The following SEMA4D variants were observed in gnomAD, a reference collection of about 807,000 sequenced individuals.
SEMA4D encodes the protein semaphorin 4D, also known as semaphorin-4D.
Under a neutral mutation model 74.8 loss-of-function variants are expected in SEMA4D, and 22 were observed. The ratio of observed to expected loss-of-function variants is 0.29; its 90% CI spans 0.21 to 0.42. The LOEUF (loss-of-function observed/expected upper bound fraction) is 0.42, where lower values mean the gene tolerates loss of function less well. Among genes scored for constraint, SEMA4D ranks in the 10% least tolerant of loss-of-function variants. The pLI is 1.00. For missense variants in SEMA4D, 937 were observed against 1,118.4 expected (o/e 0.84, Z 2.31); for synonymous variants, 445 against 463.7 (o/e 0.96, Z 0.52).
Position 89,382,792 on chromosome 9 carries a change from C to T in SEMA4D, c.1447-1446G>A, listed in dbSNP as rs532059844. 5.3e-5 allele frequency among the ~76,000 whole-genome samples: 8 copies of T among 152,250 alleles called. No individual in the cohort carries two copies. The South Asian group carries it at 1.2e-3, about 24-fold the overall frequency. On this transcript the variant is annotated intron_variant, in intron 13 of 15. Transcript: ENST00000422704. ...CCCGCGGGGGGCACCTGCGAGGTGG[C>T]GTGAACACCATGCAGTGCAGAGCAG... is the stretch of plus-strand genomic sequence containing the variant.
intron 1 of SEMA4D, among the ~76,000 whole-genome samples, chr9:89,463,174 G>A (rs1246180668): frequency 6.6e-6 from 1 of 151,888 alleles, no homozygotes; most frequent in Non-Finnish European, 1.5e-5. Context: ...ATACCAGATG[G>A]GGAAAAATGG....
At chr9:89,430,125 CAG>C (rs916132107) in intron 2 of SEMA4D, among the ~76,000 whole-genome samples, 1 of 151,936 alleles carries the variant, frequency 6.6e-6, no homozygotes, top group Non-Finnish European at 1.5e-5. Context: ...CTGCAAATGA[CAG>C]AAAGTTCTGG....
At chr9:89,395,042 A>G (rs966719924) in intron 6 of SEMA4D, among the ~76,000 whole-genome samples, 2 of 152,236 alleles carry the variant, frequency 1.3e-5, no homozygotes, top group African/African-American at 4.8e-5. Context: ...AGACACGTGC[A>G]CACACACACT....
In SEMA4D at chr9:89,461,700, C is replaced by CTTTTTTTTTT. The variant is rs61696689; in HGVS notation, c.-309-5757_-309-5748dup. ...GGGCCAATGTGTATTTCTTTTTTCT[C>CTTTTTTTTTT]TTTTTTTTTTTTTTTTTTTGGAGAC... On this transcript the variant is annotated intron_variant, in intron 1 of 15. Transcript: ENST00000422704. 2.0e-3 allele frequency among the ~76,000 whole-genome samples: 203 copies of CTTTTTTTTTT among 103,632 alleles called. 4 individuals carry two copies. The highest frequency in any genetic ancestry group is 0.011 in the East Asian group (29 of 2,734). 68.0% of individuals were successfully genotyped at this position (103,632 alleles called of 152,430 possible). A position where few individuals can be genotyped will look rare whatever the true frequency, so the allele number is the denominator to read the frequency against.
chr9:89,458,408 G>C (rs1340582461), intron 1 of SEMA4D, among the ~76,000 whole-genome samples: 1 of 152,086 alleles, frequency 6.6e-6, no homozygotes, highest in Admixed American at 6.5e-5. Flanking sequence ...TCCACATGGT[G>C]CATACATCCT....
At chr9:89,386,037 AC>A (rs1943692432) in intron 13 of SEMA4D, 1 of 985,070 alleles carries the variant, frequency 1.0e-6, no homozygotes, top group Non-Finnish European at 1.2e-6. Context: ...CAGTCTGCAC[AC>A]CCCCCAAGCT....
At chr9:89,393,692 G>C (rs1406244626) in intron 6 of SEMA4D, 37 bp from the exon 7 acceptor site, 2 of 1,475,486 alleles carry the variant, frequency 1.4e-6, no homozygotes, top group Admixed American at 1.7e-5. Context: ...TCATCAGATG[G>C]CTGAATTTCT....
chr9:89,448,913 T>G (rs1179369809), intron 2 of SEMA4D, among the ~76,000 whole-genome samples: 1 of 152,148 alleles, frequency 6.6e-6, no homozygotes, highest in Non-Finnish European at 1.5e-5. Flanking sequence ...CTGAAAGGGT[T>G]ACGTGGGGAC....
At chr9:89,417,029 T>C (rs896237048) in intron 2 of SEMA4D, among the ~76,000 whole-genome samples, 5 of 152,166 alleles carry the variant, frequency 3.3e-5, no homozygotes, top group African/African-American at 1.2e-4. Flanking sequence ...AAGGAGCCAG[T>C]CCTCCTGGGC....
chr9:89,376,711 C>G (rs902014245), downstream of SEMA4D: 2 of 1,378,806 alleles, frequency 1.5e-6, no homozygotes, highest in East Asian at 5.1e-5. Flanking sequence ...AGGGACGCAG[C>G]CAGGACAGAT....
At position 89,484,621 on chromosome 9, in the gene SEMA4D, G is replaced by A. The variant is rs757807973; in HGVS notation, c.-310+13298C>T. 2.5e-4 allele frequency among the ~76,000 whole-genome samples: 38 copies of A among 151,016 alleles called. No homozygotes were observed. The highest frequency in any genetic ancestry group is 3.5e-4 in the Non-Finnish European group (24 of 67,694). ...TGGGGTGTTCCGTGGTGTGATGTGCGGTGTATGTATGCAGTATATATGTAG... is the reference window on the plus strand; with the variant it reads ...TGGGGTGTTCCGTGGTGTGATGTGCAGTGTATGTATGCAGTATATATGTAG... On this transcript the variant is annotated intron_variant, in intron 1 of 15. Coordinates refer to ENST00000422704, the MANE Select transcript of SEMA4D (RefSeq NM_001371194.2). This position sits in a 1 kb window ranked among gnomAD's most constrained non-coding sequence, Gnocchi z 4.1.
intron 6 of SEMA4D, among the ~76,000 whole-genome samples, chr9:89,395,049 C>T (rs1840643619): frequency 6.6e-6 from 1 of 152,222 alleles, no homozygotes; most frequent in African/African-American, 2.4e-5. Flanking sequence ...TGCACACACA[C>T]ACTCCCAATT....
rs758668973 is a variant in SEMA4D at position 89,387,547 on chromosome 9, G to A, written c.1169C>T (p.Thr390Met). ...AGGGTGGTCTTTAACGAACTGCAGC[G>A]TCTTGTCTGGCAAATTCAAGGAGCT... ...YTSSLNLPDK[T>M]LQFVKDHPLM... Residue 390 changes from threonine to methionine, a missense_variant, in exon 12 of 16, where the codon ACG becomes ATG. Transcript: ENST00000422704. 1.1e-5 allele frequency: 17 copies of A among 1,614,228 alleles called. No homozygotes were observed. Among genetic ancestry groups the A allele is most frequent in the South Asian group, 3.3e-5 (3 of 91,082 alleles).
intron 2 of SEMA4D, among the ~76,000 whole-genome samples, chr9:89,431,555 C>T (rs772958367): frequency 3.9e-5 from 6 of 152,220 alleles, no homozygotes; most frequent in African/African-American, 4.8e-5. Flanking sequence ...TGCAATGCAA[C>T]GGTGCAATCA....
intron 2 of SEMA4D, among the ~76,000 whole-genome samples, chr9:89,453,301 A>C (rs2135476953): frequency 6.6e-6 from 1 of 152,336 alleles, no homozygotes; most frequent in Admixed American, 6.5e-5. Context: ...ACAACCACCA[A>C]ACTCAAAGGA....
intron 2 of SEMA4D, among the ~76,000 whole-genome samples, chr9:89,452,959 G>A (rs994388056): frequency 2.6e-5 from 4 of 152,218 alleles, no homozygotes; most frequent in African/African-American, 9.7e-5. Context: ...CCAGGTAACA[G>A]CCTCACAGGG....
At chr9:89,465,663 G>T (rs1015372611) in intron 1 of SEMA4D, among the ~76,000 whole-genome samples, 7 of 152,192 alleles carry the variant, frequency 4.6e-5, no homozygotes, top group African/African-American at 1.7e-4. Context: ...AAAGAATATT[G>T]ACATGAATTT....
chr9:89,395,825 T>C (rs1420025010), intron 6 of SEMA4D, among the ~76,000 whole-genome samples: 3 of 152,232 alleles, frequency 2.0e-5, no homozygotes, highest in African/African-American at 2.4e-5. Context: ...CATTTATCTC[T>C]GACTCAAGAT....
chr9:89,473,543 G>C (rs1467933613), intron 1 of SEMA4D, among the ~76,000 whole-genome samples: 1 of 152,024 alleles, frequency 6.6e-6, no homozygotes, highest in African/African-American at 2.4e-5. Flanking sequence ...ATCAGCCTGG[G>C]TGACAGAATG....
Sources: allele counts gnomAD v4.1 joint callset (sites outside exome capture counted in the v4.1 genomes callset), GRCh38; gene constraint gnomAD v4.1.1; non-coding constraint Gnocchi (gnomAD v3.1); transcripts MANE v1.5; gene names NCBI Gene and HGNC (gene_info 2026-07-23, HGNC 2026-07-21).